MYO16: variants seen among roughly 807,000 people sequenced by gnomAD.
MYO16 encodes myosin XVI.
MYO16 carries 94 observed loss-of-function variants against 205.3 expected under a neutral mutation model. The ratio of observed to expected loss-of-function variants is 0.46; its 90% CI spans 0.39 to 0.54. MYO16 has a LOEUF of 0.54. Ranked by LOEUF, MYO16 falls within the 20% of genes least tolerant of loss-of-function variation. The probability of loss-of-function intolerance (pLI) is 0.00; values close to 1 mark genes in which losing one functional copy is unlikely to be tolerated. For synonymous variants in MYO16, 988 were observed against 954.0 expected, an observed-to-expected ratio of 1.04 and a Z score of -0.66; for missense variants, 2,315 against 2,387.5, an observed-to-expected ratio of 0.97 and a Z score of 0.63.
chr13:109,074,729 C>T (rs1186908573), intron 27 of MYO16, among the ~76,000 whole-genome samples: 1 of 152,104 alleles, frequency 6.6e-6, no homozygotes, highest in Non-Finnish European at 1.5e-5. Flanking sequence ...TGAGAACTCA[C>T]TATCACAAAA....
chr13:108,501,145 T>A, the MYO16 span, among the ~76,000 whole-genome samples: 1 of 152,138 alleles, frequency 6.6e-6, no homozygotes, highest in Non-Finnish European at 1.5e-5. Context: ...TAACCCTTAG[T>A]GTATCGCGCT....
At chr13:108,548,110 T>G in the MYO16 span, among the ~76,000 whole-genome samples, 3 of 152,218 alleles carry the variant, frequency 2.0e-5, no homozygotes, top group African/African-American at 7.2e-5. Flanking sequence ...TCTTTTGATC[T>G]ACTTAGCTCG....
At chr13:108,874,682 A>T (rs1879234058) in intron 12 of MYO16, among the ~76,000 whole-genome samples, 1 of 142,434 alleles carries the variant, frequency 7.0e-6, no homozygotes. Context: ...AGAGGCAGAC[A>T]GTTTCATCAT....
intron 31 of MYO16, among the ~76,000 whole-genome samples, chr13:109,139,765 T>C (rs2139804062): frequency 6.6e-6 from 1 of 152,326 alleles, no homozygotes; most frequent in Admixed American, 6.5e-5. Context: ...TTTACAATGC[T>C]TCTTCATACA....
rs182744493 is a variant in MYO16, at chr13:109,129,525, C to A, written c.4051+1975C>A. 2.7e-3 allele frequency among the ~76,000 whole-genome samples: 413 copies of A among 152,238 alleles called. 1 individual carries two copies. The highest frequency in any genetic ancestry group is 4.1e-3 in the Non-Finnish European group (280 of 68,008). On this transcript the variant is annotated intron_variant, in intron 31 of 34. Transcript: ENST00000457511. ...GCCACCAGCACCCTCCCTGAGAAAG[C>A]GGGGAGTGTCCCGTTGCCACTGTTC...
intron 11 of MYO16, among the ~76,000 whole-genome samples, chr13:108,856,777 A>G (rs1878196051): frequency 6.6e-6 from 1 of 152,110 alleles, no homozygotes; most frequent in Admixed American, 6.5e-5. Flanking sequence ...GGTGGTAAGC[A>G]CCCTCATCAA....
rs542452480 is a variant in MYO16, at chr13:108,722,190, T to C, written c.364-5250T>C. ...TCCAGGCTGCAGGTGGAGGACCTGG[T>C]GGTGTTGGAGTTCTGCTGGGCATGA... On this transcript the variant is annotated intron_variant, in intron 3 of 34. Coordinates refer to ENST00000457511, the MANE Select transcript of MYO16 (RefSeq NM_001198950.3). Among the ~76,000 whole-genome samples, 5 of 152,220 alleles carry C rather than the reference T, an allele frequency of 3.3e-5. No homozygotes were observed. In the East Asian group the frequency reaches 5.8e-4, roughly 18 times the overall value.
At position 109,125,425 on chromosome 13, in the gene MYO16, A is replaced by G; in HGVS notation, c.3782+67A>G. On this transcript the variant is annotated intron_variant, in intron 30 of 34. Coordinates refer to ENST00000457511, the MANE Select transcript of MYO16 (RefSeq NM_001198950.3). The surrounding 1 kb of genome is among the most constrained non-coding windows in gnomAD (Gnocchi z 4.0). ...GGTTCAGTGGAGTCATGAAAATTCAAATAGCCCTTAATGCAGAGTTCAATC... is the reference window on the plus strand; with the variant it reads ...GGTTCAGTGGAGTCATGAAAATTCAGATAGCCCTTAATGCAGAGTTCAATC... 5 of 1,576,230 alleles carry G rather than the reference A, an allele frequency of 3.2e-6. No homozygotes were observed. Among genetic ancestry groups the G allele is most frequent in the Non-Finnish European group, 3.5e-6 (4 of 1,155,642 alleles).
intron 16 of MYO16, among the ~76,000 whole-genome samples, chr13:108,952,194 T>C (rs1469430713): frequency 6.6e-6 from 1 of 152,074 alleles, no homozygotes; most frequent in Non-Finnish European, 1.5e-5. Flanking sequence ...GTTATTAAAA[T>C]TTCTATGGAA....
chr13:108,792,636 C>T (rs1407448631), intron 5 of MYO16, among the ~76,000 whole-genome samples: 3 of 151,578 alleles, frequency 2.0e-5, no homozygotes, highest in Admixed American at 1.3e-4. Context: ...CTCAGCCTCT[C>T]GAGTAGCTGG....
intron 16 of MYO16, among the ~76,000 whole-genome samples, chr13:108,941,664 A>G (rs1000183186): frequency 6.8e-6 from 1 of 147,328 alleles, no homozygotes; most frequent in African/African-American, 2.6e-5. Flanking sequence ...GCGACAGAGC[A>G]AGACTCAGTC....
At position 109,206,715 on chromosome 13, in the gene MYO16, T is replaced by C; in HGVS notation, c.5522T>C (p.Leu1841Pro). 6.2e-7 allele frequency: 1 copy of C among 1,614,194 alleles called. No homozygotes were observed. Among genetic ancestry groups the C allele is most frequent in the Non-Finnish European group, 8.5e-7 (1 of 1,180,020 alleles). ...GAAGGACAAGACTGGCAGCAGATCC[T>C]GCACCACGCTGAGCCCAGGGTGCCT... ...CEEGQDWQQI[L>P]HHAEPRVPPP... The change falls in exon 35 of 35, where the codon CTG becomes CCG. Residue 1841 changes from leucine to proline, a missense_variant. Coordinates refer to ENST00000457511, the MANE Select transcript of MYO16 (RefSeq NM_001198950.3).
At chr13:108,713,646 A>AT (rs985356495) in intron 3 of MYO16, among the ~76,000 whole-genome samples, 3 of 152,170 alleles carry the variant, frequency 2.0e-5, no homozygotes, top group African/African-American at 4.8e-5. Context: ...TATGGCCAAC[A>AT]TTGGGGAAAA....
chr13:108,875,263 A>C (rs891688227), intron 12 of MYO16, among the ~76,000 whole-genome samples: 1 of 152,208 alleles, frequency 6.6e-6, no homozygotes, highest in Non-Finnish European at 1.5e-5. Context: ...CAGGTGGGGA[A>C]GGAAGTGTCT....
At chr13:109,119,804 A>G (rs574788754) in intron 28 of MYO16, among the ~76,000 whole-genome samples, 7 of 152,356 alleles carry the variant, frequency 4.6e-5, no homozygotes, top group East Asian at 3.9e-4. Context: ...TTGTTGCTCA[A>G]AGATGACTTT....
intron 3 of MYO16, among the ~76,000 whole-genome samples, chr13:108,714,094 T>C (rs1373267028): frequency 6.6e-6 from 1 of 152,138 alleles, no homozygotes; most frequent in Non-Finnish European, 1.5e-5. Context: ...TCTCACTCTG[T>C]CGCCCAGGCT....
At chr13:108,963,103 ATC>A (rs1394452208) in intron 19 of MYO16, among the ~76,000 whole-genome samples, 1 of 152,242 alleles carries the variant, frequency 6.6e-6, no homozygotes, top group African/African-American at 2.4e-5. Context: ...TGCTACATGC[ATC>A]TCTACTCAGT....
At position 109,127,584 on chromosome 13, in the gene MYO16, C is replaced by T. The variant is rs750544675; in HGVS notation, c.4051+34C>T. On this transcript the variant is annotated intron_variant, in intron 31 of 34. Transcript: ENST00000457511. This position sits in a 1 kb window ranked among gnomAD's most constrained non-coding sequence, Gnocchi z 4.2. ...TGGGGAGGGACCCAGCCTCGTGTTC[C>T]GGGCTCGCGCATGCTCTGACTTCGC... 243 of 1,595,890 alleles carry T rather than the reference C, an allele frequency of 1.5e-4. No homozygotes were observed. The highest frequency in any genetic ancestry group is 1.9e-4 in the Non-Finnish European group (228 of 1,175,800).
chr13:109,141,428 G>A lies in MYO16; in HGVS notation c.5164+52G>A, dbSNP rs1249876376. On this transcript the variant is annotated intron_variant, in intron 32 of 34. Transcript: ENST00000457511. This position sits in a 1 kb window ranked among gnomAD's most constrained non-coding sequence, Gnocchi z 4.1. ...CCTTTTGCATGGACGCTGTGCTTGC[G>A]TGCACCTGTGTACATCCGTGTCTGC... 2.9e-5 allele frequency: 34 copies of A among 1,192,908 alleles called. No homozygotes were observed. The highest frequency in any genetic ancestry group is 3.7e-5 in the Non-Finnish European group (33 of 886,566). The allele number at this position is 1,192,908 out of a possible 1,614,324, so 73.9% of individuals were successfully genotyped here.
Sources: gnomAD v4.1 joint callset for allele counts (sites outside exome capture counted in the v4.1 genomes callset) on GRCh38, gnomAD v4.1.1 for gene constraint, Gnocchi (gnomAD v3.1) non-coding constraint, MANE v1.5 for transcripts, NCBI Gene and HGNC (gene_info 2026-07-23, HGNC 2026-07-21) for gene names.